The following RALY variants were observed in gnomAD, a reference collection of about 807,000 sequenced individuals.
The protein encoded by RALY is RALY heterogeneous nuclear ribonucleoprotein.
In RALY, 15 loss-of-function variants were observed where a neutral mutation model predicts 30.7. The ratio of observed to expected loss-of-function variants is 0.49; its 90% CI spans 0.33 to 0.75. The LOEUF is 0.75. Among genes scored for constraint, RALY ranks in the 30% least tolerant of loss-of-function variants. The pLI, the probability that RALY is intolerant of heterozygous loss-of-function variation, is 0.02. For synonymous variants in RALY, 177 were observed against 170.8 expected (o/e 1.04, Z -0.28); for missense variants, 339 against 414.3 (o/e 0.82, Z 1.58).
At chr20:34,000,514 C>T (rs1177861257) in intron 1 of RALY, among the ~76,000 whole-genome samples, 1 of 152,182 alleles carries the variant, frequency 6.6e-6, no homozygotes, top group African/African-American at 2.4e-5. Flanking sequence ...CTTATTTCCT[C>T]AGTGTTAGTG....
chr20:34,002,550 A>G (rs1348047166), intron 1 of RALY, among the ~76,000 whole-genome samples: 2 of 152,236 alleles, frequency 1.3e-5, no homozygotes, highest in African/African-American at 2.4e-5. Flanking sequence ...GGAAAATAAC[A>G]TAATTGGTGG....
chr20:34,040,238 A>G (rs1247094552), intron 2 of RALY, among the ~76,000 whole-genome samples: 1 of 152,170 alleles, frequency 6.6e-6, no homozygotes, highest in African/African-American at 2.4e-5. Flanking sequence ...CCGAATCCAG[A>G]TCTCTTGTGT....
chr20:34,016,361 G>A (rs1029683611), intron 1 of RALY: 2 of 152,258 alleles, frequency 1.3e-5, no homozygotes, highest in African/African-American at 4.8e-5. Flanking sequence ...GGGGAGGACT[G>A]GATCAGACAA....
chr20:34,018,512 T>C (rs1290146313), intron 1 of RALY, among the ~76,000 whole-genome samples: 1 of 152,144 alleles, frequency 6.6e-6, no homozygotes, highest in Non-Finnish European at 1.5e-5. Context: ...CTGTTCAAAA[T>C]ACCCCTGAAA....
chr20:34,032,891 G>A (rs192019887), intron 2 of RALY, among the ~76,000 whole-genome samples: 204 of 152,268 alleles, frequency 1.3e-3, no homozygotes, highest in African/African-American at 4.8e-3. Context: ...TCAGAAAGGA[G>A]ATTCAGTTGA....
intron 1 of RALY, among the ~76,000 whole-genome samples, chr20:34,024,865 T>G (rs1397103489): frequency 6.6e-6 from 1 of 152,170 alleles, no homozygotes; most frequent in African/African-American, 2.4e-5. Flanking sequence ...AGGTCAGGTA[T>G]CCTTGTGAGG....
At chr20:34,010,665 A>G (rs1033100443) in intron 1 of RALY, among the ~76,000 whole-genome samples, 2 of 152,196 alleles carry the variant, frequency 1.3e-5, no homozygotes, top group Admixed American at 6.5e-5. Flanking sequence ...CTGATTTTCC[A>G]GATAAAGAGA....
intron 1 of RALY, among the ~76,000 whole-genome samples, chr20:33,998,738 C>T (rs2030760833): frequency 6.6e-6 from 1 of 152,110 alleles, no homozygotes; most frequent in Non-Finnish European, 1.5e-5. Flanking sequence ...AGAGCTAGAA[C>T]ACTGTGGGCA....
chr20:34,023,267 A>G (rs1221552797), intron 1 of RALY, among the ~76,000 whole-genome samples: 1 of 152,222 alleles, frequency 6.6e-6, no homozygotes, highest in Non-Finnish European at 1.5e-5. Context: ...ATCATTTGGT[A>G]GACAGTGACT....
At chr20:34,070,464 G>A (rs189155422) in intron 2 of RALY, among the ~76,000 whole-genome samples, 8 of 152,236 alleles carry the variant, frequency 5.3e-5, no homozygotes, top group Admixed American at 5.2e-4. Context: ...AGAGAGCAAA[G>A]GGTAGGTGCA....
chr20:34,076,981 C>T (rs746633240), intron 7 of RALY, 47 bp from the exon 8 acceptor site: 2 of 1,609,638 alleles, frequency 1.2e-6, no homozygotes, highest in African/African-American at 1.3e-5. Context: ...TAGACAGCTA[C>T]CCCAGGCTGA....
Position 34,084,357 on chromosome 20 carries a change from A to T in RALY, c.*4452A>T, listed in dbSNP as rs2034071914. On this transcript the variant is annotated 3_prime_UTR_variant, in exon 10 of 10. Coordinates refer to ENST00000246194, the MANE Select transcript of RALY (RefSeq NM_016732.3). Reference sequence around the variant, plus strand: ...ATCTGGTTTTCGGGCAGGTTCCAAGAAGTGGTAGAGCATGGCCATAGGGCC... The same window carrying T: ...ATCTGGTTTTCGGGCAGGTTCCAAGTAGTGGTAGAGCATGGCCATAGGGCC... The T allele has an allele frequency of 6.6e-6, 1 of 152,274 alleles. No individual in the cohort carries two copies. The highest frequency in any genetic ancestry group is 2.4e-5 in the African/African-American group (1 of 41,460). 9.4% of individuals were successfully genotyped at this position (152,274 alleles called of 1,614,324 possible).
At chr20:34,066,935 G>A (rs2033589695) in intron 2 of RALY, among the ~76,000 whole-genome samples, 1 of 152,196 alleles carries the variant, frequency 6.6e-6, no homozygotes, top group Non-Finnish European at 1.5e-5. Context: ...ACCAAGGAGA[G>A]CGTGTGTGGC....
chr20:34,018,832 C>T (rs1239221983), intron 1 of RALY, among the ~76,000 whole-genome samples: 1 of 152,204 alleles, frequency 6.6e-6, no homozygotes, highest in Non-Finnish European at 1.5e-5. Context: ...ATGATCCTTA[C>T]TACATACCTT....
intron 1 of RALY, among the ~76,000 whole-genome samples, chr20:34,018,784 C>A (rs1322545960): frequency 1.3e-5 from 2 of 152,208 alleles, no homozygotes; most frequent in African/African-American, 4.8e-5. Context: ...CCCCTAATCT[C>A]AATAGAGGTT....
At chr20:34,072,373 A>T (rs2033751564) in intron 3 of RALY, 43 bp downstream of exon 3, 3 of 1,579,966 alleles carry the variant, frequency 1.9e-6, no homozygotes, top group Non-Finnish European at 2.6e-6. Flanking sequence ...TCTCTAGAAT[A>T]GCTGCTATCA....
intron 2 of RALY, among the ~76,000 whole-genome samples, chr20:34,059,837 G>A (rs1249109126): frequency 1.3e-5 from 2 of 152,178 alleles, no homozygotes; most frequent in African/African-American, 4.8e-5. Context: ...AGGGCTTCTT[G>A]AAATATCAGC....
At chr20:34,019,612 G>A (rs975172230) in intron 1 of RALY, among the ~76,000 whole-genome samples, 2 of 152,210 alleles carry the variant, frequency 1.3e-5, no homozygotes, top group African/African-American at 2.4e-5. Context: ...CAGACACTGG[G>A]TGCTCTGTTA....
In RALY at chr20:34,081,361, A is replaced by AGCT. The variant is rs1437754172; in HGVS notation, c.*1464_*1466dup. 1.3e-5 allele frequency: 2 copies of AGCT among 152,206 alleles called. No individual in the cohort carries two copies. The highest frequency in any genetic ancestry group is 2.9e-5 in the Non-Finnish European group (2 of 68,102). 9.4% of individuals were successfully genotyped at this position (152,206 alleles called of 1,614,324 possible). ...CCTGGGAAATAGCCGCTCAGGACGA[A>AGCT]GCTGCTGCTGTGGTGTCGCCACCTC... On this transcript the variant is annotated 3_prime_UTR_variant, in exon 10 of 10. Transcript: ENST00000246194.
Sources: gnomAD v4.1 joint callset for allele counts (sites outside exome capture counted in the v4.1 genomes callset) on GRCh38, gnomAD v4.1.1 for gene constraint, MANE v1.5 for transcripts, NCBI Gene and HGNC (gene_info 2026-07-23, HGNC 2026-07-21) for gene names.